Variants in OR2L13 observed in about 807,000 individuals in gnomAD.
OR2L13 encodes olfactory receptor 2L13.
A neutral mutation model predicts 15.3 loss-of-function variants in OR2L13; 14 were observed. The ratio of observed to expected loss-of-function variants is 0.91; its 90% CI spans 0.60 to 1.43. The LOEUF is 1.43. Ranked by LOEUF, OR2L13 falls within the 40% of genes most tolerant of loss-of-function variation. The probability of loss-of-function intolerance (pLI) is 0.00; values close to 1 mark genes in which losing one functional copy is unlikely to be tolerated. For missense variants in OR2L13, 367 were observed against 387.9 expected, an observed-to-expected ratio of 0.95 and a Z score of 0.45; for synonymous variants, 152 against 142.9, an observed-to-expected ratio of 1.06 and a Z score of -0.45.
At chr1:248,015,673 G>A in the OR2L13 span, among the ~76,000 whole-genome samples, 1 of 152,014 alleles carries the variant, frequency 6.6e-6, no homozygotes, top group Non-Finnish European at 1.5e-5. Flanking sequence ...TGCAAAATCT[G>A]GTAAAGTGTG....
the OR2L13 span, among the ~76,000 whole-genome samples, chr1:248,072,942 G>T: frequency 6.6e-6 from 1 of 152,106 alleles, no homozygotes. Context: ...TCTCACACCA[G>T]TTAGAATGGC....
At chr1:248,003,510 T>C in the OR2L13 span, 8 of 1,612,340 alleles carry the variant, frequency 5.0e-6, no homozygotes, top group Non-Finnish European at 5.1e-6. Context: ...GCTATTTGCT[T>C]TCCTCTCCAC....
chr1:247,987,852 A>G, the OR2L13 span, among the ~76,000 whole-genome samples: 24 of 151,982 alleles, frequency 1.6e-4, no homozygotes, highest in Non-Finnish European at 2.9e-4. Flanking sequence ...TGTCTGCAGC[A>G]AGGGGTTGAC....
the OR2L13 span, among the ~76,000 whole-genome samples, chr1:248,015,954 A>G: frequency 6.6e-6 from 1 of 152,212 alleles, no homozygotes; most frequent in Non-Finnish European, 1.5e-5. Flanking sequence ...GTATCTAGAC[A>G]CAAGAGAACC....
the OR2L13 span, among the ~76,000 whole-genome samples, chr1:247,952,279 G>C: frequency 6.6e-6 from 1 of 152,140 alleles, no homozygotes; most frequent in African/African-American, 2.4e-5. Flanking sequence ...ATGACATCAT[G>C]CAGTCTAGGA....
At chr1:248,022,578 A>C in the OR2L13 span, 1 of 1,613,932 alleles carries the variant, frequency 6.2e-7, no homozygotes, top group Non-Finnish European at 8.5e-7. Context: ...GTTTCCCTTC[A>C]CTGGCATTGC....
the OR2L13 span, among the ~76,000 whole-genome samples, chr1:247,981,859 A>C: frequency 2.0e-5 from 3 of 150,114 alleles, no homozygotes; most frequent in South Asian, 6.3e-4. Flanking sequence ...TCTGTCGCCC[A>C]GGCTGGAGTG....
chr1:247,993,629 G>A, the OR2L13 span, among the ~76,000 whole-genome samples: 19 of 152,136 alleles, frequency 1.2e-4, no homozygotes, highest in African/African-American at 3.6e-4. Flanking sequence ...TTTGTTGTAT[G>A]CATGATACTT....
At chr1:247,957,437 T>G in the OR2L13 span, among the ~76,000 whole-genome samples, 1 of 152,190 alleles carries the variant, frequency 6.6e-6, no homozygotes, top group Non-Finnish European at 1.5e-5. Flanking sequence ...GGCTTTGGTA[T>G]CAGGATGATG....
At chr1:248,039,182 G>C in the OR2L13 span, 3 of 1,610,438 alleles carry the variant, frequency 1.9e-6, no homozygotes, top group Admixed American at 1.7e-5. Context: ...AAGTGATTCA[G>C]AAAATCTTCT....
At chr1:248,091,726 G>A (rs1572738469), upstream of OR2L13, among the ~76,000 whole-genome samples, 1 of 151,906 alleles carries the variant, frequency 6.6e-6, no homozygotes, top group East Asian at 1.9e-4. Context: ...GATGTCTCCA[G>A]CTTTGTTCTT....
chr1:247,951,740 A>G, the OR2L13 span, among the ~76,000 whole-genome samples: 1 of 152,198 alleles, frequency 6.6e-6, no homozygotes, highest in East Asian at 1.9e-4. Context: ...CTTTTCTGAT[A>G]TTCAATGAAT....
the OR2L13 span, among the ~76,000 whole-genome samples, chr1:247,989,257 C>T: frequency 1.3e-5 from 2 of 152,024 alleles, no homozygotes; most frequent in Non-Finnish European, 2.9e-5. Flanking sequence ...GAAAGTTTGA[C>T]TTGGAATTAT....
chr1:247,999,571 A>G, the OR2L13 span, among the ~76,000 whole-genome samples: 1 of 152,162 alleles, frequency 6.6e-6, no homozygotes, highest in Non-Finnish European at 1.5e-5. Context: ...TCAGTTACCT[A>G]CAACATTATG....
the OR2L13 span, among the ~76,000 whole-genome samples, chr1:248,000,155 C>A: frequency 9.9e-5 from 12 of 121,816 alleles, no homozygotes; most frequent in East Asian, 2.8e-3. Flanking sequence ...TCCAGTTTTT[C>A]TGCACCTATG....
chr1:248,092,647 G>T (rs1304741392), upstream of OR2L13, among the ~76,000 whole-genome samples: 1 of 152,114 alleles, frequency 6.6e-6, no homozygotes, highest in African/African-American at 2.4e-5. Flanking sequence ...GGGTTACACT[G>T]GTTAAACCAA....
chr1:248,046,655 A>G, the OR2L13 span, among the ~76,000 whole-genome samples: 1 of 152,198 alleles, frequency 6.6e-6, no homozygotes, highest in Non-Finnish European at 1.5e-5. Flanking sequence ...GACAATCCCC[A>G]GTGAATATCA....
the OR2L13 span, among the ~76,000 whole-genome samples, chr1:247,999,066 C>T: frequency 6.6e-6 from 1 of 152,038 alleles, no homozygotes; most frequent in African/African-American, 2.4e-5. Context: ...AGTGATACAC[C>T]CAGTCAAGTA....
the OR2L13 span, among the ~76,000 whole-genome samples, chr1:248,037,383 A>G: frequency 6.6e-6 from 1 of 152,160 alleles, no homozygotes; most frequent in Non-Finnish European, 1.5e-5. Flanking sequence ...ATTTATTCAT[A>G]ATATGGATCC....
Sources: gnomAD v4.1 joint callset for allele counts (sites outside exome capture counted in the v4.1 genomes callset) on GRCh38, gnomAD v4.1.1 for gene constraint, MANE v1.5 for transcripts, NCBI Gene and HGNC (gene_info 2026-07-23, HGNC 2026-07-21) for gene names.